Variants in TENM4 observed in about 807,000 individuals in gnomAD.
TENM4 encodes teneurin transmembrane protein 4, also known as teneurin-4.
A neutral mutation model predicts 243.3 loss-of-function variants in TENM4; 82 were observed. The observed-to-expected ratio is 0.34, with a 90% CI of 0.28 to 0.40. The LOEUF (loss-of-function observed/expected upper bound fraction) is 0.40. Ranked by LOEUF, TENM4 falls within the 10% of genes least tolerant of loss-of-function variation. The pLI is 1.00. For synonymous variants in TENM4, 1,412 were observed against 1,456.3 expected, an observed-to-expected ratio of 0.97 and a Z score of 0.69; for missense variants, 3,138 against 3,673.3, an observed-to-expected ratio of 0.85 and a Z score of 3.77.
chr11:79,350,093 T>G (rs2135476072), intron 1 of TENM4, among the ~76,000 whole-genome samples: 1 of 152,290 alleles, frequency 6.6e-6, no homozygotes, highest in Admixed American at 6.5e-5. Flanking sequence ...CTCAGGAAAC[T>G]TCCAGACGAG....
At chr11:79,022,679 C>T (rs1325555900) in intron 6 of TENM4, among the ~76,000 whole-genome samples, 1 of 151,808 alleles carries the variant, frequency 6.6e-6, no homozygotes, top group East Asian at 1.9e-4. Context: ...ACTGATATAC[C>T]AAATAAGGAC....
chr11:79,103,680 T>C (rs969030907), intron 4 of TENM4, among the ~76,000 whole-genome samples: 7 of 152,244 alleles, frequency 4.6e-5, no homozygotes, highest in African/African-American at 1.4e-4. Flanking sequence ...ACTTTCCGAT[T>C]TCATAAATGT....
intron 1 of TENM4, among the ~76,000 whole-genome samples, chr11:79,424,443 C>T (rs1020975068): frequency 1.3e-5 from 2 of 152,014 alleles, no homozygotes; most frequent in Non-Finnish European, 2.9e-5. Context: ...CTCTACAAAA[C>T]AAAACAAAAC....
chr11:79,424,644 A>C (rs1042749216), intron 1 of TENM4, among the ~76,000 whole-genome samples: 1 of 151,608 alleles, frequency 6.6e-6, no homozygotes, highest in African/African-American at 2.4e-5. Flanking sequence ...AAAAAAAAAA[A>C]ATACAAAAAG....
chr11:79,054,645 C>T (rs1859895109), intron 6 of TENM4, among the ~76,000 whole-genome samples: 1 of 152,078 alleles, frequency 6.6e-6, no homozygotes, highest in South Asian at 2.1e-4. Context: ...ACACCATCAT[C>T]CTTGGCTATT....
intron 15 of TENM4, among the ~76,000 whole-genome samples, chr11:78,789,802 T>A (rs982338946): frequency 1.3e-5 from 2 of 152,146 alleles, no homozygotes; most frequent in African/African-American, 4.8e-5. Context: ...AGACTTCAGG[T>A]CTTAGCTAAA....
At chr11:79,253,272 C>G (rs1855643275) in intron 2 of TENM4, among the ~76,000 whole-genome samples, 1 of 152,190 alleles carries the variant, frequency 6.6e-6, no homozygotes, top group Non-Finnish European at 1.5e-5. Context: ...CAGGGCCTGA[C>G]CACCGTAAGG....
At chr11:79,276,531 G>T (rs961633662) in intron 2 of TENM4, among the ~76,000 whole-genome samples, 1 of 152,198 alleles carries the variant, frequency 6.6e-6, no homozygotes, top group Non-Finnish European at 1.5e-5. Flanking sequence ...GATACATCCG[G>T]CATGCATCTT....
intron 1 of TENM4, among the ~76,000 whole-genome samples, chr11:79,305,368 T>C (rs1856609735): frequency 6.6e-6 from 1 of 151,658 alleles, no homozygotes. Context: ...TTTTACCATT[T>C]CTACTACTAA....
At chr11:78,841,456 C>T (rs1007891268) in intron 12 of TENM4, among the ~76,000 whole-genome samples, 1 of 152,208 alleles carries the variant, frequency 6.6e-6, no homozygotes, top group Non-Finnish European at 1.5e-5. Context: ...ACTGCTGACC[C>T]TGAGATCAGT....
chr11:78,714,605 A>C (rs953197270), intron 25 of TENM4, among the ~76,000 whole-genome samples: 4 of 152,170 alleles, frequency 2.6e-5, no homozygotes, highest in African/African-American at 7.2e-5. Flanking sequence ...GGATTCCTTA[A>C]TTCTTACAGA....
At chr11:79,072,484 CA>C (rs10550784) in intron 4 of TENM4, among the ~76,000 whole-genome samples, 2,616 of 147,968 alleles carry the variant, frequency 0.018, 61 homozygotes, top group African/African-American at 0.054. Context: ...GACCCTGTCT[CA>C]AAAAAAAAAA....
At chr11:79,192,549 T>G (rs1863538011) in intron 3 of TENM4, among the ~76,000 whole-genome samples, 1 of 152,020 alleles carries the variant, frequency 6.6e-6, no homozygotes, top group Non-Finnish European at 1.5e-5. Context: ...TGTGCTTTGT[T>G]AAACAGATGC....
At chr11:78,786,218 C>T (rs1288149488) in intron 16 of TENM4, among the ~76,000 whole-genome samples, 1 of 152,136 alleles carries the variant, frequency 6.6e-6, no homozygotes, top group African/African-American at 2.4e-5. Context: ...CCGAGGAGAC[C>T]CCAAGGGAGG....
chr11:78,912,012 T>TG (rs1856200672), intron 6 of TENM4, among the ~76,000 whole-genome samples: 1 of 151,980 alleles, frequency 6.6e-6, no homozygotes, highest in African/African-American at 2.4e-5. Flanking sequence ...AACAGAGCAC[T>TG]GAAGTAGAGG....
intron 18 of TENM4, among the ~76,000 whole-genome samples, chr11:78,764,141 T>G (rs2135975253): frequency 6.6e-6 from 1 of 152,358 alleles, no homozygotes; most frequent in East Asian, 1.9e-4. Context: ...GAGACCCATT[T>G]TCCCTGGTGG....
Position 78,702,404 on chromosome 11 carries a change from C to T in TENM4, c.4210-1G>A. ...AGTCTGTGGGCCACTCCAGGTGAAC[C>T]TGACAATGAAGACACCGATACTCAA... On this transcript the variant is annotated splice_acceptor_variant, in intron 27 of 33. Coordinates refer to ENST00000278550, the MANE Select transcript of TENM4 (RefSeq NM_001098816.3). LOFTEE classifies it high-confidence loss of function. 6.2e-7 allele frequency: 1 copy of T among 1,608,238 alleles called. No individual in the cohort carries two copies. The highest frequency in any genetic ancestry group is 8.5e-7 in the Non-Finnish European group (1 of 1,176,768).
At chr11:79,012,339 G>T (rs1389650827) in intron 6 of TENM4, among the ~76,000 whole-genome samples, 1 of 152,196 alleles carries the variant, frequency 6.6e-6, no homozygotes, top group South Asian at 2.1e-4. Flanking sequence ...AAAACAGGAG[G>T]TTGCCAGACC....
At chr11:79,034,589 A>ATTTT (rs1006180613) in intron 6 of TENM4, among the ~76,000 whole-genome samples, 63 of 151,934 alleles carry the variant, frequency 4.1e-4, no homozygotes, top group African/African-American at 1.5e-3. Context: ...ATTAAAAAAA[A>ATTTT]TTTTTTTTTA....
Sources: gnomAD v4.1 joint callset for allele counts (sites outside exome capture counted in the v4.1 genomes callset) on GRCh38, gnomAD v4.1.1 for gene constraint, MANE v1.5 for transcripts, NCBI Gene and HGNC (gene_info 2026-07-23, HGNC 2026-07-21) for gene names.